COQ4: variants seen among roughly 807,000 people sequenced by gnomAD.
The protein encoded by COQ4 is ubiquinone biosynthesis protein COQ4 homolog, mitochondrial.
In COQ4, 36 loss-of-function variants were observed where a neutral mutation model predicts 30.2. The observed-to-expected ratio is 1.19, with a 90% CI of 0.91 to 1.57. The LOEUF (loss-of-function observed/expected upper bound fraction) is 1.57, where lower values mean the gene tolerates loss of function less well. COQ4 is among the 40% of genes most tolerant of loss of function. The probability of loss-of-function intolerance (pLI) is 0.00; values close to 1 mark genes in which losing one functional copy is unlikely to be tolerated. For synonymous variants in COQ4, 197 were observed against 161.0 expected (o/e 1.22, Z -1.69); for missense variants, 369 against 371.9 (o/e 0.99, Z 0.07).
In COQ4 at chr9:128,332,281, G is replaced by A; in HGVS notation, c.531G>A (p.Leu177=). 1 of 1,612,320 alleles carries A rather than the reference G, an allele frequency of 6.2e-7. No homozygotes were observed. Among genetic ancestry groups the A allele is most frequent in the South Asian group, 1.1e-5 (1 of 90,840 alleles). ...HTLLGMPTNI[L]GEIVVKWFEA... ...TGCTGGGGATGCCCACCAACATCCT[G>A]GGTGAGTGCCCCCAACCCTGATGGC... Residue 177 remains leucine, a splice_region_variant and synonymous_variant, in exon 5 of 7, where the codon CTG becomes CTA. Transcript: ENST00000300452.
rs770687111 is a variant in COQ4, at chr9:128,322,890, G to C, written c.32G>C (p.Arg11Pro). The C allele has an allele frequency of 1.3e-6, 2 of 1,590,080 alleles. No individual in the cohort carries two copies. The highest frequency in any genetic ancestry group is 1.3e-5 in the African/African-American group (1 of 74,508). The change falls in exon 1 of 7, where the codon CGG becomes CCG. Residue 11 changes from arginine to proline, a missense_variant. By Grantham distance (103) the Arg-to-Pro change is moderately radical. Coordinates refer to ENST00000300452, the MANE Select transcript of COQ4 (RefSeq NM_016035.5). MATLLRPVLR[R>P]LCGLPGLQRP... ...ACTCTGCTGCGCCCTGTCCTCCGTC[G>C]GCTCTGCGGGCTCCCGGGCCTACAG...
In COQ4 at chr9:128,332,940, C is replaced by T. The variant is rs753560791; in HGVS notation, c.623C>T (p.Ala208Val). ...TTCTTTGGACCGATCCGACTTGGCG[C>T]TCAGTAAGTTTTCAAGTGGTAGCTG... ...GAFFGPIRLG[A>V]QSLQVLVSEL... is the part of the protein sequence containing the mutation. Residue 208 changes from alanine to valine, a missense_variant, in exon 6 of 7, where the codon GCT (alanine) becomes GTT (valine). Coordinates refer to ENST00000300452, the MANE Select transcript of COQ4 (RefSeq NM_016035.5). The T allele has an allele frequency of 1.9e-6, 3 of 1,613,490 alleles. No homozygotes were observed. The highest frequency in any genetic ancestry group is 1.7e-6 in the Non-Finnish European group (2 of 1,179,428).
In COQ4 at chr9:128,333,746, G is replaced by A; in HGVS notation, c.*101G>A. 1 of 1,061,680 alleles carries A rather than the reference G, an allele frequency of 9.4e-7. No homozygotes were observed. Among genetic ancestry groups the A allele is most frequent in the South Asian group, 1.9e-5 (1 of 52,922 alleles). 65.8% of individuals were successfully genotyped at this position (1,061,680 alleles called of 1,614,324 possible). ...CCTTTGTTCCTCTTCTTTGAACACTGACCCTTGGACAACATTTATCATAAT... is the reference window on the plus strand; with the variant it reads ...CCTTTGTTCCTCTTCTTTGAACACTAACCCTTGGACAACATTTATCATAAT... On this transcript the variant is annotated 3_prime_UTR_variant, in exon 7 of 7. Coordinates refer to ENST00000300452, the MANE Select transcript of COQ4 (RefSeq NM_016035.5).
chr9:128,332,754 T>A (rs989357382), intron 5 of COQ4, 96 bp from the exon 6 acceptor site: 1 of 951,256 alleles, frequency 1.1e-6, no homozygotes, highest in Non-Finnish European at 1.7e-6. Context: ...CCGTAGAGAT[T>A]AGGGAGGAAC....
chr9:128,325,761 C>T lies in COQ4; in HGVS notation c.300-18C>T, dbSNP rs1832306615. 1.2e-6 allele frequency: 2 copies of T among 1,607,936 alleles called. No individual in the cohort carries two copies. The highest frequency in any genetic ancestry group is 2.7e-5 in the African/African-American group (2 of 74,760). On this transcript the variant is annotated intron_variant, in intron 3 of 6. Transcript: ENST00000300452. ...ACCTTTGCCCACACCCTCCCAATGC[C>T]CAAGTCTTGCCTTTCAGGGAGCGTC...
intron 4 of COQ4, among the ~76,000 whole-genome samples, chr9:128,329,457 A>G (rs549517585): frequency 2.0e-5 from 3 of 152,086 alleles, no homozygotes; most frequent in Admixed American, 1.3e-4. Context: ...GCTCACTGCA[A>G]CCTCCACCTC....
At chr9:128,326,072 A>G (rs1271392473) in intron 4 of COQ4, 191 bp downstream of exon 4, 1 of 617,874 alleles carries the variant, frequency 1.6e-6, no homozygotes, top group Non-Finnish European at 2.9e-6. Context: ...AATTGATAAT[A>G]CTGGCCAGTG....
Position 128,333,754 on chromosome 9 carries a change from G to A in COQ4, c.*109G>A, listed in dbSNP as rs746136470. 8.4e-5 allele frequency: 86 copies of A among 1,026,134 alleles called. No homozygotes were observed. Among genetic ancestry groups the A allele is most frequent in the African/African-American group, 1.0e-4 (6 of 60,006 alleles). 63.6% of individuals were successfully genotyped at this position (1,026,134 alleles called of 1,614,324 possible). ...CCTCTTCTTTGAACACTGACCCTTG[G>A]ACAACATTTATCATAATTTGTCATA... On this transcript the variant is annotated 3_prime_UTR_variant, in exon 7 of 7. Transcript: ENST00000300452.
chr9:128,332,999 CAG>C (rs1832441030), intron 6 of COQ4, 56 bp downstream of exon 6: 2 of 1,280,062 alleles, frequency 1.6e-6, no homozygotes, highest in Non-Finnish European at 2.3e-6. Flanking sequence ...GGACAGAACT[CAG>C]AGGGACCAGG....
chr9:128,325,439 G>T (rs916187157), intron 3 of COQ4, among the ~76,000 whole-genome samples, 200 bp downstream of exon 3: 3 of 152,230 alleles, frequency 2.0e-5, no homozygotes, highest in African/African-American at 7.2e-5. Context: ...GAGTTGTGCA[G>T]TGTGATAGCC....
At position 128,322,880 on chromosome 9, in the gene COQ4, G is replaced by C; in HGVS notation, c.22G>C (p.Val8Leu). The change falls in exon 1 of 7, where the codon GTC becomes CTC. Residue 8 changes from valine (V) to leucine (L), a missense_variant. Val to Leu is a conservative substitution (Grantham distance 32). Transcript: ENST00000300452. ...TGCCATGGCGACTCTGCTGCGCCCT[G>C]TCCTCCGTCGGCTCTGCGGGCTCCC... MATLLRP[V>L]LRRLCGLPGL... 1.3e-6 allele frequency: 2 copies of C among 1,584,876 alleles called. No homozygotes were observed. The highest frequency in any genetic ancestry group is 1.7e-6 in the Non-Finnish European group (2 of 1,169,560).
chr9:128,324,830 C>G (rs1832289848), intron 2 of COQ4, among the ~76,000 whole-genome samples: 1 of 152,226 alleles, frequency 6.6e-6, no homozygotes, highest in South Asian at 2.1e-4. Flanking sequence ...TGTAGCCCAG[C>G]ATCTCTGATG....
chr9:128,330,297 C>A lies in COQ4; in HGVS notation c.403-1856C>A, dbSNP rs937889487. The A allele has an allele frequency of 2.0e-5, 3 of 151,092 alleles. No individual in the cohort carries two copies. In the East Asian group the frequency reaches 5.9e-4, roughly 30 times the overall value. 9.4% of individuals were successfully genotyped at this position (151,092 alleles called of 1,614,324 possible). A position where few individuals can be genotyped will look rare whatever the true frequency, so the allele number is the denominator to read the frequency against. On this transcript the variant is annotated intron_variant, in intron 4 of 6. Coordinates refer to ENST00000300452, the MANE Select transcript of COQ4 (RefSeq NM_016035.5). ...CTGAGGCAGAAGAATTGCTTGAATC[C>A]GGGAGGAGGAGATTGCAGTAAGCCG...
rs1384403987 is a variant in COQ4 at position 128,323,045 on chromosome 9, G to T, written c.100G>T (p.Ala34Ser). ...GCCCCTCCGGGCTAGGAGCGACGGC[G>T]CCGGCCCGCTATACTCGCACCACCT... ...EMPLRARSDG[A>S]GPLYSHHLPT... is the part of the protein sequence containing the mutation. Residue 34 changes from alanine to serine, a missense_variant, in exon 2 of 7, where the codon GCC (alanine) becomes TCC (serine). Physicochemically the swap from Ala to Ser is moderately conservative, Grantham distance 99 (BLOSUM62 1). Coordinates refer to ENST00000300452, the MANE Select transcript of COQ4 (RefSeq NM_016035.5). The T allele has an allele frequency of 1.2e-6, 2 of 1,611,918 alleles. No individual in the cohort carries two copies. The highest frequency in any genetic ancestry group is 2.2e-5 in the East Asian group (1 of 44,866).
intron 4 of COQ4, among the ~76,000 whole-genome samples, chr9:128,326,812 C>T (rs1832330077): frequency 6.6e-6 from 1 of 151,972 alleles, no homozygotes; most frequent in African/African-American, 2.4e-5. Flanking sequence ...TGCAGTGGCG[C>T]CGTCTCGGCT....
chr9:128,323,041 C>T lies in COQ4; in HGVS notation c.96C>T (p.Asp32=), dbSNP rs545007629. The T allele has an allele frequency of 1.2e-6, 2 of 1,611,928 alleles. No homozygotes were observed. The highest frequency in any genetic ancestry group is 1.1e-5 in the South Asian group (1 of 91,070). The change falls in exon 2 of 7, where the codon GAC becomes GAT. Residue 32 remains aspartate (D), a synonymous_variant. Coordinates refer to ENST00000300452, the MANE Select transcript of COQ4 (RefSeq NM_016035.5). Reference sequence around the variant, plus strand: ...AAATGCCCCTCCGGGCTAGGAGCGACGGCGCCGGCCCGCTATACTCGCACC... The same window carrying T: ...AAATGCCCCTCCGGGCTAGGAGCGATGGCGCCGGCCCGCTATACTCGCACC... ...AAEMPLRARS[D]GAGPLYSHHL... is the part of the protein sequence containing the mutation.
chr9:128,326,039 C>G lies in COQ4; in HGVS notation c.402+158C>G, dbSNP rs189003811. ...GCTTTGTCATTTTCTATGGGATAGG[C>G]AAATGGGTGGGAACATGCCTGCAAT... On this transcript the variant is annotated intron_variant, in intron 4 of 6. Transcript: ENST00000300452. 408 of 676,112 alleles carry G rather than the reference C, an allele frequency of 6.0e-4. 2 individuals are homozygous for G. The African/African-American group carries it at 6.7e-3, about 11-fold the overall frequency. 41.9% of individuals were successfully genotyped at this position (676,112 alleles called of 1,614,324 possible). A position where few individuals can be genotyped will look rare whatever the true frequency, so the allele number is the denominator to read the frequency against.
intron 5 of COQ4, 147 bp from the exon 6 acceptor site, chr9:128,332,703 C>T: frequency 1.4e-6 from 1 of 701,880 alleles, no homozygotes; most frequent in East Asian, 2.6e-5. Flanking sequence ...AAGCCAAGTG[C>T]CCCAGGGCCC....
chr9:128,323,483 C>T (rs1832253691), intron 2 of COQ4: 1 of 457,004 alleles, frequency 2.2e-6, no homozygotes, highest in Non-Finnish European at 3.8e-6. Flanking sequence ...ACTCCGAGGT[C>T]GAGGACCATG....
Sources: allele counts gnomAD v4.1 joint callset (sites outside exome capture counted in the v4.1 genomes callset), GRCh38; gene constraint gnomAD v4.1.1; transcripts MANE v1.5; gene names NCBI Gene and HGNC (gene_info 2026-07-23, HGNC 2026-07-21).